The following LRGUK variants were observed in gnomAD, a reference collection of about 807,000 sequenced individuals.
The protein encoded by LRGUK is leucine rich repeats and guanylate kinase domain containing.
In LRGUK, 65 loss-of-function variants were observed where a neutral mutation model predicts 76.0. The ratio of observed to expected loss-of-function variants is 0.85; its 90% CI spans 0.70 to 1.05. The LOEUF is 1.05. Ranked by LOEUF, LRGUK falls within the 50% of genes least tolerant of loss-of-function variation. LRGUK has a pLI of 0.00. For synonymous variants in LRGUK, 268 were observed against 265.6 expected, an observed-to-expected ratio of 1.01 and a Z score of -0.09; for missense variants, 758 against 732.8, an observed-to-expected ratio of 1.03 and a Z score of -0.40.
chr7:134,226,867 A>C (rs1016000105), intron 16 of LRGUK, among the ~76,000 whole-genome samples: 3 of 152,210 alleles, frequency 2.0e-5, no homozygotes, highest in African/African-American at 7.2e-5. Flanking sequence ...TCAGGCCCTC[A>C]GCTGTACTTC....
chr7:134,128,394 C>A (rs1457400161), intron 1 of LRGUK, among the ~76,000 whole-genome samples: 2 of 152,208 alleles, frequency 1.3e-5, no homozygotes, highest in African/African-American at 4.8e-5. Context: ...GACCACCACA[C>A]AATTCCTCTT....
chr7:134,172,555 C>G (rs1308089778), intron 7 of LRGUK, among the ~76,000 whole-genome samples: 1 of 152,110 alleles, frequency 6.6e-6, no homozygotes, highest in Non-Finnish European at 1.5e-5. Flanking sequence ...CATCAGATTG[C>G]CCTATAGAAA....
At chr7:134,209,046 T>A (rs962070557) in exon 16 of LRGUK, 1 of 399,110 alleles carries the variant, frequency 2.5e-6, no homozygotes, top group African/African-American at 2.1e-5. Flanking sequence ...GATCTTCCCC[T>A]AAAACAAATA....
intron 16 of LRGUK, among the ~76,000 whole-genome samples, chr7:134,225,703 T>C (rs1176633007): frequency 6.6e-6 from 1 of 152,246 alleles, no homozygotes; most frequent in Non-Finnish European, 1.5e-5. Context: ...CTCATTTTTC[T>C]TTTAAAGATT....
intron 15 of LRGUK, among the ~76,000 whole-genome samples, chr7:134,203,784 C>T (rs933121202): frequency 3.3e-5 from 5 of 152,130 alleles, no homozygotes; most frequent in African/African-American, 9.7e-5. Flanking sequence ...CACTGGGCGT[C>T]GGTTCTTTAG....
intron 16 of LRGUK, among the ~76,000 whole-genome samples, chr7:134,222,676 T>G (rs1377563076): frequency 6.6e-6 from 1 of 152,056 alleles, no homozygotes; most frequent in African/African-American, 2.4e-5. Context: ...TGGTGTGATA[T>G]CCGCTCATCG....
intron 18 of LRGUK, among the ~76,000 whole-genome samples, chr7:134,255,284 G>A (rs531805843): frequency 4.7e-5 from 7 of 148,600 alleles, no homozygotes; most frequent in East Asian, 2.0e-4. Context: ...ACTACTACCC[G>A]GCGAGAAAAA....
At chr7:134,183,754 C>T (rs1405579129) in exon 11 of LRGUK, 1 of 1,614,006 alleles carries the variant, frequency 6.2e-7, no homozygotes, top group Admixed American at 1.7e-5. Flanking sequence ...AGCCTGGATG[C>T]CCCTTATCCC....
At position 134,144,704 on chromosome 7, in the gene LRGUK, T is replaced by C. The variant is rs553769126; in HGVS notation, c.588+1542T>C. ...AAATCAAGAAACAGACATTCCCTTA[T>C]ACTGATGAGAGACCTTAATTTTCAA... is the stretch of plus-strand genomic sequence containing the variant. On this transcript the variant is annotated intron_variant, in intron 4 of 15. Coordinates refer to ENST00000645682, the Ensembl canonical transcript of LRGUK. 8.5e-4 allele frequency among the ~76,000 whole-genome samples: 129 copies of C among 152,342 alleles called. 3 individuals are homozygous for C. In the South Asian group the frequency reaches 0.026, roughly 31 times the overall value.
chr7:134,243,134 G>A (rs1222822468), intron 16 of LRGUK, among the ~76,000 whole-genome samples: 1 of 151,992 alleles, frequency 6.6e-6, no homozygotes, highest in African/African-American at 2.4e-5. Flanking sequence ...TTCCCTTTGA[G>A]AACTGGAATA....
chr7:134,200,633 T>G (rs1364773686), intron 14 of LRGUK, among the ~76,000 whole-genome samples: 1 of 152,188 alleles, frequency 6.6e-6, no homozygotes, highest in Non-Finnish European at 1.5e-5. Context: ...CCATATGAAA[T>G]TGTTGATATT....
intron 11 of LRGUK, 93 bp downstream of exon 11, chr7:134,183,946 G>A (rs1799870882): frequency 1.4e-6 from 2 of 1,465,562 alleles, no homozygotes; most frequent in South Asian, 1.3e-5. Context: ...TATTGCTAAT[G>A]TTGGCTATTA....
intron 9 of LRGUK, 130 bp downstream of exon 9, chr7:134,177,193 G>A: frequency 1.7e-6 from 1 of 583,182 alleles, no homozygotes; most frequent in South Asian, 2.1e-5. Flanking sequence ...AATTCATTTA[G>A]GGAATGTTTC....
In LRGUK at chr7:134,209,925, C is replaced by T. The variant is rs1038532735; in HGVS notation, c.3062C>T (p.Pro1021Leu). The T allele has an allele frequency of 1.8e-5, 7 of 399,114 alleles. No individual in the cohort carries two copies. The South Asian group carries it at 3.8e-4, about 22-fold the overall frequency. 24.7% of individuals were successfully genotyped at this position (399,114 alleles called of 1,614,324 possible). ...CTCCCTCGCATTCCTGCTCCTCTTCCGGAGCCAGGGCTGCCCCAGAACTCG... is the reference window on the plus strand; with the variant it reads ...CTCCCTCGCATTCCTGCTCCTCTTCTGGAGCCAGGGCTGCCCCAGAACTCG... The change falls in exon 16 of 16, where the codon CCG becomes CTG. Residue 1021 changes from proline to leucine, a missense_variant. Physicochemically the swap from Pro to Leu is moderately conservative, Grantham distance 98. Coordinates refer to ENST00000645682, the Ensembl canonical transcript of LRGUK.
intron 13 of LRGUK, among the ~76,000 whole-genome samples, chr7:134,197,662 T>C (rs541128571): frequency 1.6e-4 from 25 of 152,168 alleles, no homozygotes; most frequent in Non-Finnish European, 1.5e-5. Flanking sequence ...AATATTTTCA[T>C]ACTTCTGGCA....
chr7:134,174,691 G>C, intron 8 of LRGUK, 55 bp downstream of exon 8: 1 of 955,484 alleles, frequency 1.0e-6, no homozygotes, highest in Non-Finnish European at 1.7e-6. Flanking sequence ...GGATGGTGGA[G>C]GGAAACTATC....
chr7:134,227,709 C>A (rs1801797681), intron 16 of LRGUK, among the ~76,000 whole-genome samples: 2 of 151,548 alleles, frequency 1.3e-5, no homozygotes, highest in Admixed American at 1.3e-4. Flanking sequence ...AAAGTGGAGA[C>A]AATAAAAAAT....
chr7:134,177,387 G>A (rs1259378129), intron 9 of LRGUK, among the ~76,000 whole-genome samples: 4 of 152,090 alleles, frequency 2.6e-5, no homozygotes, highest in African/African-American at 9.7e-5. Context: ...TTTCCTGTTT[G>A]GAAGGTGTAT....
chr7:134,191,752 G>A lies in LRGUK; in HGVS notation c.1431+1G>A, dbSNP rs199992406. ...CGTTTTTGATGAAATGGTGAACATG[G>A]TAAGAATGTTTGCCTTTGTTTTTAT... On this transcript the variant is annotated splice_donor_variant, in intron 12 of 15. Coordinates refer to ENST00000645682, the Ensembl canonical transcript of LRGUK. LOFTEE classifies it high-confidence loss of function. The A allele has an allele frequency of 1.9e-5, 30 of 1,590,950 alleles. No homozygotes were observed. The highest frequency in any genetic ancestry group is 2.3e-5 in the Non-Finnish European group (27 of 1,162,014).
Sources: gnomAD v4.1 joint callset for allele counts (sites outside exome capture counted in the v4.1 genomes callset) on GRCh38, gnomAD v4.1.1 for gene constraint, MANE v1.5 for transcripts, NCBI Gene and HGNC (gene_info 2026-07-23, HGNC 2026-07-21) for gene names.